The following CHST9 variants were observed in gnomAD, a reference collection of about 807,000 sequenced individuals.
The protein encoded by CHST9 is carbohydrate sulfotransferase 9.
Under a neutral mutation model 44.4 loss-of-function variants are expected in CHST9, and 41 were observed. The ratio of observed to expected loss-of-function variants is 0.92; its 90% CI spans 0.72 to 1.20. CHST9 has a LOEUF of 1.20. Ranked by LOEUF, CHST9 falls within the 50% of genes most tolerant of loss-of-function variation. The probability of loss-of-function intolerance (pLI) is 0.00; values close to 1 mark genes in which losing one functional copy is unlikely to be tolerated. For missense variants in CHST9, 504 were observed against 516.5 expected (o/e 0.98, Z 0.23); for synonymous variants, 171 against 178.4 (o/e 0.96, Z 0.33).
At chr18:26,930,417 T>C (rs762593001) in intron 5 of CHST9, among the ~76,000 whole-genome samples, 3 of 152,212 alleles carry the variant, frequency 2.0e-5, no homozygotes, top group Non-Finnish European at 4.4e-5. Context: ...TCAGAGTGAA[T>C]AGAGCACTAA....
At chr18:26,918,138 T>A (rs2145049615) in intron 5 of CHST9, among the ~76,000 whole-genome samples, 1 of 152,236 alleles carries the variant, frequency 6.6e-6, no homozygotes, top group Admixed American at 6.5e-5. Flanking sequence ...GCCACATCCT[T>A]CCTACAACTC....
At position 26,913,417 on chromosome 18, in the gene CHST9, G is replaced by T. The variant is rs759470876; in HGVS notation, c.*2842C>A. On this transcript the variant is annotated 3_prime_UTR_variant, in exon 6 of 6. Coordinates refer to ENST00000618847, the MANE Select transcript of CHST9 (RefSeq NM_031422.6). ...GTCCTGTACATACATTTCCATTGAA[G>T]TTTATGGCAGTTTCTGGGCACAATC... 15 of 152,186 alleles carry T rather than the reference G, an allele frequency of 9.9e-5. No homozygotes were observed. Among genetic ancestry groups the T allele is most frequent in the Non-Finnish European group, 1.9e-4 (13 of 68,042 alleles). 9.4% of individuals were successfully genotyped at this position (152,186 alleles called of 1,614,324 possible).
intron 4 of CHST9, among the ~76,000 whole-genome samples, chr18:27,008,605 AC>A (rs1301129557): frequency 2.0e-5 from 3 of 152,192 alleles, no homozygotes; most frequent in Non-Finnish European, 4.4e-5. Context: ...CTTTAAGTTG[AC>A]AATCCTTAAT....
At chr18:27,035,561 CATATA>C (rs988394884) in intron 3 of CHST9, among the ~76,000 whole-genome samples, 5 of 151,622 alleles carry the variant, frequency 3.3e-5, no homozygotes, top group East Asian at 1.9e-4. Context: ...TATATGTGTA[CATATA>C]ATATATAATG....
At chr18:27,110,148 T>C (rs1352753652) in intron 2 of CHST9, among the ~76,000 whole-genome samples, 1 of 152,004 alleles carries the variant, frequency 6.6e-6, no homozygotes, top group Non-Finnish European at 1.5e-5. Context: ...CAGTCTTTTT[T>C]TTTTTTTGGA....
chr18:27,043,009 G>T (rs1158367889), intron 3 of CHST9, among the ~76,000 whole-genome samples: 3 of 151,932 alleles, frequency 2.0e-5, no homozygotes, highest in African/African-American at 4.8e-5. Flanking sequence ...TATTTTACTT[G>T]CTCACTCTGT....
intron 4 of CHST9, among the ~76,000 whole-genome samples, chr18:26,980,505 T>A (rs908053410): frequency 6.6e-6 from 1 of 152,168 alleles, no homozygotes; most frequent in Admixed American, 6.6e-5. Context: ...GTTCAGTACA[T>A]GCTATAATGT....
chr18:27,168,658 A>C (rs2058810501), intron 1 of CHST9, among the ~76,000 whole-genome samples: 1 of 152,194 alleles, frequency 6.6e-6, no homozygotes, highest in African/African-American at 2.4e-5. Context: ...GGTATCACAT[A>C]GGGAGTTGAA....
chr18:27,019,995 G>C (rs1258583932), intron 4 of CHST9, among the ~76,000 whole-genome samples: 1 of 152,052 alleles, frequency 6.6e-6, no homozygotes, highest in Non-Finnish European at 1.5e-5. Flanking sequence ...CTTTGCATTT[G>C]TTTTTAATGA....
chr18:27,143,045 G>C lies in CHST9; in HGVS notation c.-96-140C>G, dbSNP rs2058581245. On this transcript the variant is annotated intron_variant, in intron 1 of 5. Coordinates refer to ENST00000618847, the MANE Select transcript of CHST9 (RefSeq NM_031422.6). The stretch of plus-strand genomic sequence containing the variant: ...TCTGAAGACAGAAAAGACTGTAGTA[G>C]GTGTTCCTAGAATGGCAATTTTCTA... The C allele has an allele frequency of 2.3e-5, 7 of 308,752 alleles. No individual in the cohort carries two copies. In the East Asian group the frequency reaches 4.1e-4, roughly 18 times the overall value. The allele number at this position is 308,752 out of a possible 1,614,324, so 19.1% of individuals were successfully genotyped here. A position where few individuals can be genotyped will look rare whatever the true frequency, so the allele number is the denominator to read the frequency against.
At chr18:27,008,619 G>A (rs2057045475) in intron 4 of CHST9, among the ~76,000 whole-genome samples, 1 of 152,062 alleles carries the variant, frequency 6.6e-6, no homozygotes, top group South Asian at 2.1e-4. Flanking sequence ...TCCTTAATTG[G>A]AAAAAGGAAA....
At chr18:26,978,780 C>A (rs1193885460) in intron 4 of CHST9, among the ~76,000 whole-genome samples, 1 of 152,098 alleles carries the variant, frequency 6.6e-6, no homozygotes, top group African/African-American at 2.4e-5. Context: ...TGAAAGTAAA[C>A]ATTATGAAAA....
chr18:27,053,188 GAAGAAGAAAGAACAA>G (rs2057596409), intron 2 of CHST9, among the ~76,000 whole-genome samples: 1 of 139,050 alleles, frequency 7.2e-6, no homozygotes, highest in African/African-American at 2.7e-5. Flanking sequence ...AGAAGAAGAA[GAAGAAGAAAGAACAA>G]GAAGAGGAGG....
chr18:27,174,555 T>C (rs1347564820), intron 1 of CHST9, among the ~76,000 whole-genome samples: 1 of 152,000 alleles, frequency 6.6e-6, no homozygotes, highest in Non-Finnish European at 1.5e-5. Context: ...ATAAGCAATC[T>C]GTAGGGTGAC....
At chr18:27,174,925 T>A (rs985978719) in intron 1 of CHST9, among the ~76,000 whole-genome samples, 1 of 152,030 alleles carries the variant, frequency 6.6e-6, no homozygotes, top group Non-Finnish European at 1.5e-5. Context: ...TGGGACAAAA[T>A]GTTCAAGAGT....
intron 4 of CHST9, among the ~76,000 whole-genome samples, chr18:26,978,866 C>A (rs1365741046): frequency 1.3e-5 from 2 of 152,146 alleles, no homozygotes; most frequent in East Asian, 3.8e-4. Context: ...TGATGCCTGG[C>A]TCAGAGCTGA....
chr18:27,155,596 T>C (rs2058693225), intron 1 of CHST9, among the ~76,000 whole-genome samples: 1 of 152,202 alleles, frequency 6.6e-6, no homozygotes, highest in Non-Finnish European at 1.5e-5. Context: ...TTCTCTCCTT[T>C]ACATGAAACA....
At chr18:26,988,118 C>A in intron 4 of CHST9, among the ~76,000 whole-genome samples, 1 of 151,352 alleles carries the variant, frequency 6.6e-6, no homozygotes, top group South Asian at 2.1e-4. Flanking sequence ...TCGATTAATC[C>A]AAAAGATGGC....
At chr18:26,948,912 T>G (rs996759079) in intron 4 of CHST9, among the ~76,000 whole-genome samples, 1 of 152,064 alleles carries the variant, frequency 6.6e-6, no homozygotes, top group African/African-American at 2.4e-5. Flanking sequence ...GAGCGGCTTA[T>G]GTAATACACG....
Sources: gnomAD v4.1 joint callset for allele counts (sites outside exome capture counted in the v4.1 genomes callset) on GRCh38, gnomAD v4.1.1 for gene constraint, MANE v1.5 for transcripts, NCBI Gene and HGNC (gene_info 2026-07-23, HGNC 2026-07-21) for gene names.